KCNJ6: variants seen among roughly 807,000 people sequenced by gnomAD.
The protein encoded by KCNJ6 is potassium inwardly rectifying channel subfamily J member 6.
Under a neutral mutation model 34.2 loss-of-function variants are expected in KCNJ6, and 9 were observed. The observed-to-expected ratio is 0.26, with a 90% CI of 0.16 to 0.46. KCNJ6 has a LOEUF of 0.46. Ranked by LOEUF, KCNJ6 falls within the 20% of genes least tolerant of loss-of-function variation. The pLI, the probability that KCNJ6 is intolerant of heterozygous loss-of-function variation, is 1.00. For synonymous variants in KCNJ6, 196 were observed against 207.1 expected (o/e 0.95, Z 0.46); for missense variants, 236 against 531.3 (o/e 0.44, Z 5.46).
chr21:37,876,810 T>G (rs1333409737), intron 1 of KCNJ6, among the ~76,000 whole-genome samples: 1 of 152,108 alleles, frequency 6.6e-6, no homozygotes, highest in African/African-American at 2.4e-5. Context: ...GTGGGGATAA[T>G]GTAATACATG....
intron 2 of KCNJ6, among the ~76,000 whole-genome samples, chr21:37,781,226 A>G (rs1313432236): frequency 6.6e-6 from 1 of 152,196 alleles, no homozygotes; most frequent in Non-Finnish European, 1.5e-5. Context: ...ATGTTCCCCA[A>G]GGGATGTCAA....
At chr21:37,811,465 G>T (rs1375244807) in intron 2 of KCNJ6, among the ~76,000 whole-genome samples, 1 of 152,094 alleles carries the variant, frequency 6.6e-6, no homozygotes, top group South Asian at 2.1e-4. Flanking sequence ...TTAACTTGTG[G>T]GAGCTGACAT....
At position 37,607,460 on chromosome 21, in the gene KCNJ6, A is replaced by G. The variant is rs2054227169; in HGVS notation, c.*17699T>C. 9.3e-6 allele frequency: 1 copy of G among 107,404 alleles called. No individual in the cohort carries two copies. Among genetic ancestry groups the G allele is most frequent in the East Asian group, 2.7e-4 (1 of 3,700 alleles). The allele number at this position is 107,404 out of a possible 1,614,324, so 6.7% of individuals were successfully genotyped here. On this transcript the variant is annotated 3_prime_UTR_variant, in exon 4 of 4. Coordinates refer to ENST00000609713, the MANE Select transcript of KCNJ6 (RefSeq NM_002240.5). ...AGTTTCCCTAACACAGCGAGTTCTT[A>G]AAGATATATATATATATATATATTT...
At chr21:37,879,799 A>G (rs959615165) in intron 1 of KCNJ6, among the ~76,000 whole-genome samples, 4 of 150,378 alleles carry the variant, frequency 2.7e-5, no homozygotes, top group Non-Finnish European at 4.4e-5. Flanking sequence ...TGCATGTCGG[A>G]TTGGGAGGAG....
At chr21:37,824,713 G>A (rs1028252114) in intron 2 of KCNJ6, among the ~76,000 whole-genome samples, 17 of 152,142 alleles carry the variant, frequency 1.1e-4, no homozygotes, top group African/African-American at 3.6e-4. Flanking sequence ...CATGTAAGAC[G>A]TGCTTGCTTC....
rs1259618648 is a variant in KCNJ6 at position 37,625,349 on chromosome 21, C to G, written c.1082G>C (p.Ser361Thr). 6.2e-7 allele frequency: 1 copy of G among 1,614,124 alleles called. No individual in the cohort carries two copies. Among genetic ancestry groups the G allele is most frequent in the African/African-American group, 1.3e-5 (1 of 74,938 alleles). The stretch of plus-strand genomic sequence containing the variant: ...CTCTTTGGCACTAAGGGATGGGGTG[C>G]TGGTCTCATAGGTCTCATGGAAGCT... Reference protein sequence around the residue: ...YNSFHETYETSTPSLSAKELA... With the variant: ...YNSFHETYETTTPSLSAKELA... Residue 361 changes from serine (S) to threonine (T), a missense_variant, in exon 4 of 4, where the codon AGC becomes ACC. Transcript: ENST00000609713.
intron 3 of KCNJ6, among the ~76,000 whole-genome samples, chr21:37,694,295 C>T (rs1342494542): frequency 1.3e-5 from 2 of 152,342 alleles, no homozygotes; most frequent in African/African-American, 2.4e-5. Context: ...CCATCACCTT[C>T]ACTCAGACCC....
chr21:37,666,182 G>C (rs2054513120), intron 3 of KCNJ6, among the ~76,000 whole-genome samples: 1 of 152,222 alleles, frequency 6.6e-6, no homozygotes, highest in South Asian at 2.1e-4. Flanking sequence ...GAGGGGAGAA[G>C]ATGGGTACAC....
intron 1 of KCNJ6, among the ~76,000 whole-genome samples, chr21:37,873,601 A>T (rs66506105): frequency 2.0e-5 from 3 of 151,964 alleles, no homozygotes; most frequent in Admixed American, 6.6e-5. Flanking sequence ...CTAATCTATA[A>T]GTGTTTCTGC....
At chr21:37,878,951 C>A (rs2055692947) in intron 1 of KCNJ6, among the ~76,000 whole-genome samples, 1 of 152,160 alleles carries the variant, frequency 6.6e-6, no homozygotes, top group Non-Finnish European at 1.5e-5. Flanking sequence ...GAATCCAGTA[C>A]TAGACTGTGA....
chr21:37,902,765 A>C (rs2055823128), intron 1 of KCNJ6, among the ~76,000 whole-genome samples: 1 of 152,216 alleles, frequency 6.6e-6, no homozygotes, highest in Non-Finnish European at 1.5e-5. Flanking sequence ...ATAAAAGCTC[A>C]AGCCTGAGAA....
intron 2 of KCNJ6, among the ~76,000 whole-genome samples, chr21:37,757,891 C>G (rs1181171227): frequency 6.6e-6 from 1 of 152,230 alleles, no homozygotes; most frequent in East Asian, 1.9e-4. Context: ...GCAAATGATT[C>G]CTAATTAATA....
At position 37,776,488 on chromosome 21, in the gene KCNJ6, T is replaced by C. The variant is rs1025793653; in HGVS notation, c.26-61357A>G. Among the ~76,000 whole-genome samples the C allele has an allele frequency of 1.9e-3, 76 of 40,614 alleles. No individual in the cohort carries two copies. In the Middle Eastern group the frequency reaches 0.043, roughly 23 times the overall value. The allele number at this position is 40,614 out of a possible 152,430, so 26.6% of individuals were successfully genotyped here. A position where few individuals can be genotyped will look rare whatever the true frequency, so the allele number is the denominator to read the frequency against. On this transcript the variant is annotated intron_variant, in intron 2 of 3. Coordinates refer to ENST00000609713, the MANE Select transcript of KCNJ6 (RefSeq NM_002240.5). Reference sequence around the variant, plus strand: ...AGTATGATATTGGCTGTGGGTTTGTTCATAGATAGCTCTTATTATTTTGAG... The same window carrying C: ...AGTATGATATTGGCTGTGGGTTTGTCCATAGATAGCTCTTATTATTTTGAG...
intron 3 of KCNJ6, among the ~76,000 whole-genome samples, chr21:37,651,788 G>T (rs2054434874): frequency 6.6e-6 from 1 of 152,186 alleles, no homozygotes; most frequent in Non-Finnish European, 1.5e-5. Context: ...TCTAAGAGGA[G>T]CTGTCAAAGG....
rs997811078 is a variant in KCNJ6 at position 37,618,547 on chromosome 21, G to A, written c.*6612C>T. 10 of 152,072 alleles carry A rather than the reference G, an allele frequency of 6.6e-5. No individual in the cohort carries two copies. The highest frequency in any genetic ancestry group is 3.9e-4 in the East Asian group (2 of 5,194). The allele number at this position is 152,072 out of a possible 1,614,324, so 9.4% of individuals were successfully genotyped here. ...AGTTGATATCACAGTATTGATGATCGGTGTTAAAACAATGGGCACTGAGCC... is the reference window on the plus strand; with the variant it reads ...AGTTGATATCACAGTATTGATGATCAGTGTTAAAACAATGGGCACTGAGCC... On this transcript the variant is annotated 3_prime_UTR_variant, in exon 4 of 4. Transcript: ENST00000609713.
intron 1 of KCNJ6, among the ~76,000 whole-genome samples, chr21:37,862,242 A>T (rs561161977): frequency 2.6e-5 from 4 of 152,324 alleles, no homozygotes; most frequent in Non-Finnish European, 5.9e-5. Flanking sequence ...ATTGTGTGTG[A>T]ATTTTAAGTC....
At chr21:37,636,615 T>C (rs1224252931) in intron 3 of KCNJ6, among the ~76,000 whole-genome samples, 1 of 152,034 alleles carries the variant, frequency 6.6e-6, no homozygotes, top group Admixed American at 6.5e-5. Flanking sequence ...GTGTTACGGG[T>C]GGTGATTGCA....
At chr21:37,788,688 T>C (rs568971057) in intron 2 of KCNJ6, among the ~76,000 whole-genome samples, 3 of 152,182 alleles carry the variant, frequency 2.0e-5, no homozygotes, top group African/African-American at 7.2e-5. Flanking sequence ...GCCATGTGTA[T>C]AAGCCCAGGC....
At chr21:37,817,395 C>T (rs1257071740) in intron 2 of KCNJ6, among the ~76,000 whole-genome samples, 3 of 152,104 alleles carry the variant, frequency 2.0e-5, no homozygotes, top group South Asian at 4.2e-4. Context: ...GTTAGAAAGG[C>T]CCCTGATGCA....
Sources: gnomAD v4.1 joint callset for allele counts (sites outside exome capture counted in the v4.1 genomes callset) on GRCh38, gnomAD v4.1.1 for gene constraint, MANE v1.5 for transcripts, NCBI Gene and HGNC (gene_info 2026-07-23, HGNC 2026-07-21) for gene names.